The following CLVS1 variants were observed in gnomAD, a reference collection of about 807,000 sequenced individuals.
CLVS1 encodes clavesin 1.
Under a neutral mutation model 33.1 loss-of-function variants are expected in CLVS1, and 10 were observed. That is an observed-to-expected ratio of 0.30 (90% CI 0.19 to 0.51). The LOEUF is 0.51. Ranked by LOEUF, CLVS1 falls within the 20% of genes least tolerant of loss-of-function variation. The pLI, the probability that CLVS1 is intolerant of heterozygous loss-of-function variation, is 0.97. For missense variants in CLVS1, 343 were observed against 433.4 expected (o/e 0.79, Z 1.85); for synonymous variants, 163 against 166.1 (o/e 0.98, Z 0.14).
At chr8:61,430,341 G>A (rs1816064226) in intron 3 of CLVS1, among the ~76,000 whole-genome samples, 1 of 152,156 alleles carries the variant, frequency 6.6e-6, no homozygotes, top group Non-Finnish European at 1.5e-5. Context: ...TCTTTACATA[G>A]TGGAGTAAGT....
the CLVS1 span, among the ~76,000 whole-genome samples, chr8:61,007,912 G>T: frequency 6.6e-6 from 1 of 152,134 alleles, no homozygotes; most frequent in African/African-American, 2.4e-5. Context: ...AGCTGGGGAG[G>T]GCTTTGTGGA....
intron 2 of CLVS1, among the ~76,000 whole-genome samples, chr8:61,259,985 G>A (rs891161569): frequency 1.2e-4 from 18 of 152,280 alleles, no homozygotes; most frequent in Admixed American, 3.9e-4. Flanking sequence ...TCCAGAGCCC[G>A]CTGATTGCTC....
the CLVS1 span, among the ~76,000 whole-genome samples, chr8:60,984,757 A>G: frequency 5.1e-4 from 77 of 151,996 alleles, 1 homozygote; most frequent in Admixed American, 2.2e-3. Flanking sequence ...TTTCCTAGGG[A>G]CTCTATGAGG....
intron 5 of CLVS1, among the ~76,000 whole-genome samples, chr8:61,480,447 G>A (rs1201966130): frequency 6.6e-6 from 1 of 152,202 alleles, no homozygotes; most frequent in East Asian, 1.9e-4. Context: ...CAGTATTAGG[G>A]TGGGAGTGAC....
At chr8:61,418,895 A>G (rs575704835) in intron 3 of CLVS1, among the ~76,000 whole-genome samples, 3 of 152,198 alleles carry the variant, frequency 2.0e-5, no homozygotes, top group African/African-American at 7.2e-5. Flanking sequence ...TGGAGGCTGC[A>G]TCAGTGCCAA....
chr8:61,124,525 AG>A (rs1253722681), intron 1 of CLVS1, among the ~76,000 whole-genome samples: 1 of 152,034 alleles, frequency 6.6e-6, no homozygotes, highest in Non-Finnish European at 1.5e-5. Context: ...TCCCCTCTCT[AG>A]TTGATCTGAT....
At chr8:61,176,884 C>G (rs370401329) in intron 2 of CLVS1, among the ~76,000 whole-genome samples, 1 of 152,230 alleles carries the variant, frequency 6.6e-6, no homozygotes, top group Non-Finnish European at 1.5e-5. Context: ...ATCCCAATCA[C>G]GGAGCCACTC....
At chr8:61,138,707 C>A (rs923458369) in intron 2 of CLVS1, among the ~76,000 whole-genome samples, 1 of 152,000 alleles carries the variant, frequency 6.6e-6, no homozygotes, top group Non-Finnish European at 1.5e-5. Context: ...TATCATGGAC[C>A]GAGCCAGAGA....
intron 3 of CLVS1, among the ~76,000 whole-genome samples, chr8:61,389,883 G>T (rs1220829777): frequency 6.6e-6 from 1 of 152,196 alleles, no homozygotes; most frequent in African/African-American, 2.4e-5. Context: ...GGAAGCTCCA[G>T]AAATTATTAA....
intron 2 of CLVS1, among the ~76,000 whole-genome samples, chr8:61,138,700 C>A (rs946159607): frequency 6.6e-6 from 1 of 152,002 alleles, no homozygotes; most frequent in Non-Finnish European, 1.5e-5. Context: ...AGAGTGGTAT[C>A]ATGGACCGAG....
At chr8:61,337,548 C>A (rs1311408862) in intron 2 of CLVS1, among the ~76,000 whole-genome samples, 3 of 152,112 alleles carry the variant, frequency 2.0e-5, no homozygotes. Context: ...ACAACCGAGA[C>A]ACCTGCCGAG....
intron 1 of CLVS1, among the ~76,000 whole-genome samples, chr8:61,098,951 T>A (rs1805401341): frequency 2.6e-5 from 4 of 152,188 alleles, no homozygotes; most frequent in Admixed American, 2.6e-4. Context: ...ATTTGTATAT[T>A]GATCACTAAA....
chr8:61,400,609 C>T (rs1814711334), intron 3 of CLVS1, among the ~76,000 whole-genome samples: 1 of 152,148 alleles, frequency 6.6e-6, no homozygotes, highest in Admixed American at 6.5e-5. Context: ...TTGTCTTGTG[C>T]CAACTTTCAA....
At chr8:61,155,049 C>T (rs548945736) in intron 2 of CLVS1, among the ~76,000 whole-genome samples, 4 of 152,212 alleles carry the variant, frequency 2.6e-5, no homozygotes, top group Admixed American at 2.6e-4. Context: ...GAAGGAGAGT[C>T]GCAGGCTCTG....
rs550882843 is a variant in CLVS1, at chr8:61,064,826, C to T, written c.-243+7596C>T. 2.8e-4 allele frequency among the ~76,000 whole-genome samples: 42 copies of T among 151,892 alleles called. 1 individual carries two copies. In the South Asian group the frequency reaches 7.5e-3, roughly 27 times the overall value. ...ACACCATTCTCTTGCCTCAGCCTCC[C>T]GAGTAGCTGGGACTACAGGTGCCCG... On this transcript the variant is annotated intron_variant, in intron 1 of 2. Coordinates refer to the CLVS1 transcript ENST00000522621.
chr8:61,232,548 T>C (rs1287830337), intron 2 of CLVS1, among the ~76,000 whole-genome samples: 3 of 152,188 alleles, frequency 2.0e-5, no homozygotes, highest in African/African-American at 4.8e-5. Flanking sequence ...CTTTGAGGGA[T>C]TCATCTCCAT....
At chr8:61,428,635 G>A (rs548749362) in intron 3 of CLVS1, among the ~76,000 whole-genome samples, 56 of 152,304 alleles carry the variant, frequency 3.7e-4, no homozygotes, top group African/African-American at 7.9e-4. Context: ...CCCTTACAGC[G>A]GATTGAAGTG....
chr8:61,259,603 G>A (rs546881679), intron 2 of CLVS1, among the ~76,000 whole-genome samples: 30 of 152,332 alleles, frequency 2.0e-4, no homozygotes, highest in Admixed American at 1.2e-3. Flanking sequence ...ATAAAAGAAC[G>A]AGATGATGTA....
intron 1 of CLVS1, among the ~76,000 whole-genome samples, chr8:61,131,459 T>C (rs1159455614): frequency 6.6e-6 from 1 of 152,156 alleles, no homozygotes; most frequent in Non-Finnish European, 1.5e-5. Flanking sequence ...GTTTGAGCGT[T>C]TCTGTCTGTG....
Sources: gnomAD v4.1 joint callset for allele counts (sites outside exome capture counted in the v4.1 genomes callset) on GRCh38, gnomAD v4.1.1 for gene constraint, MANE v1.5 for transcripts, NCBI Gene and HGNC (gene_info 2026-07-23, HGNC 2026-07-21) for gene names.